The following KCNIP4 variants were observed in gnomAD, a reference collection of about 807,000 sequenced individuals.
KCNIP4 encodes the protein Kv channel-interacting protein 4.
KCNIP4 carries 12 observed loss-of-function variants against 34.0 expected under a neutral mutation model. The observed-to-expected ratio is 0.35, with a 90% CI of 0.23 to 0.57. The LOEUF (loss-of-function observed/expected upper bound fraction) is 0.57. Among genes scored for constraint, KCNIP4 ranks in the 20% least tolerant of loss-of-function variants. KCNIP4 has a pLI of 0.83. For missense variants in KCNIP4, 238 were observed against 311.7 expected, an observed-to-expected ratio of 0.76 and a Z score of 1.78; for synonymous variants, 124 against 102.2, an observed-to-expected ratio of 1.21 and a Z score of -1.29.
chr4:21,787,284 T>C (rs1262666307), intron 1 of KCNIP4, among the ~76,000 whole-genome samples: 1 of 152,210 alleles, frequency 6.6e-6, no homozygotes, highest in Non-Finnish European at 1.5e-5. Flanking sequence ...TATTCTCAAG[T>C]TTAAAAATCT....
intron 1 of KCNIP4, among the ~76,000 whole-genome samples, chr4:21,573,724 T>G (rs531470909): frequency 1.3e-5 from 2 of 152,102 alleles, no homozygotes; most frequent in Non-Finnish European, 2.9e-5. Context: ...AGAGATATCT[T>G]CATCTAGGGG....
chr4:21,862,384 T>A (rs1375359446), intron 1 of KCNIP4, among the ~76,000 whole-genome samples: 1 of 152,116 alleles, frequency 6.6e-6, no homozygotes, highest in Admixed American at 6.5e-5. Context: ...CAGAATAAAA[T>A]AAAATTCTCT....
intron 1 of KCNIP4, among the ~76,000 whole-genome samples, chr4:21,176,776 CT>C (rs1754444872): frequency 6.6e-6 from 1 of 152,226 alleles, no homozygotes; most frequent in African/African-American, 2.4e-5. Context: ...CCACCTCGGC[CT>C]CCCAAAGTGC....
chr4:21,007,574 C>A (rs188725466), intron 1 of KCNIP4, among the ~76,000 whole-genome samples: 1 of 152,302 alleles, frequency 6.6e-6, no homozygotes, highest in East Asian at 1.9e-4. Flanking sequence ...CTTCCCTTCC[C>A]AGCCTCTGGT....
At chr4:20,832,752 A>T (rs565318362) in intron 3 of KCNIP4, among the ~76,000 whole-genome samples, 1 of 150,640 alleles carries the variant, frequency 6.6e-6, no homozygotes, top group Non-Finnish European at 1.5e-5. Flanking sequence ...GGTCCTCAGC[A>T]TGAAGGATTT....
rs115826414 is a variant in KCNIP4, at chr4:21,001,387, C to T, written c.62-118678G>A. On this transcript the variant is annotated intron_variant, in intron 1 of 8. Coordinates refer to ENST00000382152, the MANE Select transcript of KCNIP4 (RefSeq NM_025221.6). ...TGACCACAAAACCCCTTTAACCTGC[C>T]CTCCAAGTGGGTCCTGAAATGGAAA... 8.5e-3 allele frequency among the ~76,000 whole-genome samples: 1,298 copies of T among 152,212 alleles called. 16 individuals are homozygous for T. Among genetic ancestry groups the T allele is most frequent in the African/African-American group, 0.03 (1,243 of 41,518 alleles).
chr4:21,422,227 G>C (rs1021858567), intron 1 of KCNIP4, among the ~76,000 whole-genome samples: 2 of 144,626 alleles, frequency 1.4e-5, no homozygotes, highest in South Asian at 2.1e-4. Context: ...ACGGAGTCTC[G>C]CTTTGTCGCC....
intron 1 of KCNIP4, among the ~76,000 whole-genome samples, chr4:21,142,481 C>A (rs557415364): frequency 1.3e-5 from 2 of 152,144 alleles, no homozygotes; most frequent in Non-Finnish European, 2.9e-5. Context: ...TTGACTTTAG[C>A]TATTCTGTTT....
intron 1 of KCNIP4, among the ~76,000 whole-genome samples, chr4:21,715,782 T>G (rs1714331099): frequency 6.6e-6 from 1 of 152,194 alleles, no homozygotes; most frequent in Non-Finnish European, 1.5e-5. Context: ...AAAAGTTATT[T>G]TTTCTAAAAA....
rs138406691 is a variant in KCNIP4, at chr4:21,361,988, C to T, written c.62-479279G>A. On this transcript the variant is annotated intron_variant, in intron 1 of 8. Transcript: ENST00000382152. ...CAGAGAATAAACTCACTTAGCAAAACCCCAAAGAAGTGCCTGCCTAACCAC... is the reference window on the plus strand; with the variant it reads ...CAGAGAATAAACTCACTTAGCAAAATCCCAAAGAAGTGCCTGCCTAACCAC... Among the ~76,000 whole-genome samples, 550 of 152,126 alleles carry T rather than the reference C, an allele frequency of 3.6e-3. 3 individuals carry two copies. The highest frequency in any genetic ancestry group is 0.012 in the African/African-American group (516 of 41,490).
intron 1 of KCNIP4, among the ~76,000 whole-genome samples, chr4:21,240,351 T>C (rs1006442317): frequency 6.6e-6 from 1 of 151,862 alleles, no homozygotes; most frequent in East Asian, 1.9e-4. Context: ...ATTGTGCACA[T>C]GTACCCTAAA....
intron 1 of KCNIP4, among the ~76,000 whole-genome samples, chr4:21,945,356 G>C (rs1030679172): frequency 6.6e-6 from 1 of 152,102 alleles, no homozygotes; most frequent in African/African-American, 2.4e-5. Flanking sequence ...CCTATCATTT[G>C]TTTAGTACAC....
chr4:21,095,799 G>A (rs184633405), intron 1 of KCNIP4, among the ~76,000 whole-genome samples: 87 of 152,152 alleles, frequency 5.7e-4, no homozygotes, highest in Admixed American at 9.2e-4. Flanking sequence ...GCTCGGAAAA[G>A]GCAGGTGCAG....
At chr4:21,836,902 A>G (rs1441320842) in intron 1 of KCNIP4, among the ~76,000 whole-genome samples, 2 of 143,024 alleles carry the variant, frequency 1.4e-5, no homozygotes, top group Non-Finnish European at 3.0e-5. Context: ...AAGCTCAAAA[A>G]AGCTGGGATA....
chr4:21,776,153 C>A (rs1176591325), intron 1 of KCNIP4, among the ~76,000 whole-genome samples: 1 of 152,222 alleles, frequency 6.6e-6, no homozygotes, highest in Non-Finnish European at 1.5e-5. Flanking sequence ...GTAGCATGCT[C>A]ACTCACCACC....
intron 1 of KCNIP4, among the ~76,000 whole-genome samples, chr4:21,683,052 A>C (rs895085072): frequency 5.9e-5 from 9 of 152,258 alleles, no homozygotes; most frequent in African/African-American, 1.4e-4. Flanking sequence ...ATTTGTAAAA[A>C]ATGCAGTATC....
At chr4:21,857,607 A>G (rs1724839606) in intron 1 of KCNIP4, among the ~76,000 whole-genome samples, 1 of 152,100 alleles carries the variant, frequency 6.6e-6, no homozygotes, top group Non-Finnish European at 1.5e-5. Context: ...ACTCGTCAGG[A>G]CACCCTGCCT....
At chr4:20,924,799 G>C (rs1729735945) in intron 1 of KCNIP4, among the ~76,000 whole-genome samples, 4 of 152,154 alleles carry the variant, frequency 2.6e-5, no homozygotes, top group Non-Finnish European at 5.9e-5. Flanking sequence ...TCCATCGACT[G>C]CTCTAAACAC....
At chr4:20,810,675 CAGAA>C (rs568338753) in intron 3 of KCNIP4, among the ~76,000 whole-genome samples, 66 of 152,164 alleles carry the variant, frequency 4.3e-4, no homozygotes, top group South Asian at 4.2e-3. Context: ...CCAAGATGAA[CAGAA>C]AGAGTTAGAT....
Sources: gnomAD v4.1 joint callset for allele counts (sites outside exome capture counted in the v4.1 genomes callset) on GRCh38, gnomAD v4.1.1 for gene constraint, MANE v1.5 for transcripts, NCBI Gene and HGNC (gene_info 2026-07-23, HGNC 2026-07-21) for gene names.